SUPT3H: variants seen among roughly 807,000 people sequenced by gnomAD.
SUPT3H encodes SPT3 homolog, SAGA and STAGA complex component.
SUPT3H carries 44 observed loss-of-function variants against 44.3 expected under a neutral mutation model. The observed-to-expected ratio is 0.99, with a 90% CI of 0.78 to 1.28. The LOEUF (loss-of-function observed/expected upper bound fraction) is 1.28, where lower values mean the gene tolerates loss of function less well. Ranked by LOEUF, SUPT3H falls within the 50% of genes most tolerant of loss-of-function variation. The pLI, the probability that SUPT3H is intolerant of heterozygous loss-of-function variation, is 0.00. For synonymous variants in SUPT3H, 124 were observed against 125.6 expected, an observed-to-expected ratio of 0.99 and a Z score of 0.09; for missense variants, 380 against 387.1, an observed-to-expected ratio of 0.98 and a Z score of 0.15.
chr6:45,170,904 T>C (rs1810663650), intron 2 of SUPT3H, among the ~76,000 whole-genome samples: 1 of 152,170 alleles, frequency 6.6e-6, no homozygotes, highest in Non-Finnish European at 1.5e-5. Context: ...CCAATATTCA[T>C]GACAATAATT....
chr6:44,876,926 A>G (rs1016480565), intron 10 of SUPT3H, among the ~76,000 whole-genome samples: 2 of 152,132 alleles, frequency 1.3e-5, no homozygotes, highest in Non-Finnish European at 2.9e-5. Flanking sequence ...TTAGTTAATA[A>G]CATGCATCCT....
intron 2 of SUPT3H, among the ~76,000 whole-genome samples, chr6:45,296,076 T>C (rs899385323): frequency 6.6e-6 from 1 of 152,030 alleles, no homozygotes; most frequent in African/African-American, 2.4e-5. Flanking sequence ...TCAACCCAGA[T>C]GCCCATCAAT....
chr6:45,115,845 C>T (rs1160929942), intron 2 of SUPT3H, among the ~76,000 whole-genome samples: 1 of 152,048 alleles, frequency 6.6e-6, no homozygotes, highest in Non-Finnish European at 1.5e-5. Context: ...TTCAAAGTTC[C>T]CACAAACTTA....
intron 2 of SUPT3H, among the ~76,000 whole-genome samples, chr6:45,283,448 A>G (rs1392801856): frequency 6.6e-6 from 1 of 152,180 alleles, no homozygotes. Flanking sequence ...AGTATCTGAT[A>G]AAACAGACTT....
intron 2 of SUPT3H, among the ~76,000 whole-genome samples, chr6:45,214,883 A>G (rs1274134206): frequency 6.6e-6 from 1 of 151,976 alleles, no homozygotes; most frequent in African/African-American, 2.4e-5. Context: ...CCCCCTCACG[A>G]CCGAGAGTCG....
At chr6:45,211,850 C>T (rs1284966) in intron 2 of SUPT3H, among the ~76,000 whole-genome samples, 128,705 of 146,600 alleles carry the variant, frequency 0.88, 55,641 homozygotes, top group African/African-American at 0.9. Flanking sequence ...TCCGTCTCAA[C>T]TAAAAAAAAA....
intron 10 of SUPT3H, among the ~76,000 whole-genome samples, chr6:44,866,106 CTT>C (rs57914401): frequency 0.28 from 35,520 of 126,114 alleles, 5,530 homozygotes; most frequent in Non-Finnish European, 0.37. Context: ...CCTACATCGA[CTT>C]TTTTTTTTTT....
chr6:45,286,395 T>C (rs1779277590), intron 2 of SUPT3H, among the ~76,000 whole-genome samples: 1 of 151,860 alleles, frequency 6.6e-6, no homozygotes. Context: ...CAAACAAATT[T>C]ACAAGAAAAA....
At chr6:44,983,856 G>T (rs1034600126) in intron 6 of SUPT3H, among the ~76,000 whole-genome samples, 4 of 152,150 alleles carry the variant, frequency 2.6e-5, no homozygotes, top group Non-Finnish European at 5.9e-5. Flanking sequence ...GTGAACTTTA[G>T]TGAGGTTTTC....
At chr6:45,059,112 G>A (rs1318196373) in intron 3 of SUPT3H, among the ~76,000 whole-genome samples, 3 of 151,876 alleles carry the variant, frequency 2.0e-5, no homozygotes, top group African/African-American at 7.3e-5. Flanking sequence ...ACCAAGTTTT[G>A]GTATACAGTA....
At chr6:45,114,198 A>G (rs1435258936) in intron 2 of SUPT3H, among the ~76,000 whole-genome samples, 1 of 152,152 alleles carries the variant, frequency 6.6e-6, no homozygotes, top group Non-Finnish European at 1.5e-5. Flanking sequence ...CACTCAATCA[A>G]CAAATATTGA....
intron 10 of SUPT3H, among the ~76,000 whole-genome samples, chr6:44,869,634 C>T (rs896157793): frequency 6.6e-6 from 1 of 152,196 alleles, no homozygotes. Context: ...ACCAAGTACA[C>T]CCATGAATCA....
chr6:45,369,587 G>A (rs1181306974), intron 1 of SUPT3H, among the ~76,000 whole-genome samples: 2 of 151,786 alleles, frequency 1.3e-5, no homozygotes, highest in Admixed American at 6.6e-5. Context: ...ACAGTGTATC[G>A]TATCCTCCCT....
intron 2 of SUPT3H, among the ~76,000 whole-genome samples, chr6:45,188,789 T>A (rs561643649): frequency 6.6e-6 from 1 of 152,318 alleles, no homozygotes; most frequent in Non-Finnish European, 1.5e-5. Flanking sequence ...ACTGTACTCA[T>A]TGTGTACCTC....
intron 2 of SUPT3H, among the ~76,000 whole-genome samples, chr6:45,214,135 G>A (rs181583167): frequency 7.6e-4 from 114 of 149,888 alleles, no homozygotes; most frequent in African/African-American, 2.7e-3. Flanking sequence ...AGTATCAAAC[G>A]ATTCAGTGAC....
intron 2 of SUPT3H, among the ~76,000 whole-genome samples, chr6:45,121,180 C>G (rs1245784843): frequency 6.6e-6 from 1 of 152,118 alleles, no homozygotes; most frequent in East Asian, 1.9e-4. Context: ...TCTCCACAAC[C>G]AGGATCTCTG....
At chr6:45,096,198 CAT>C (rs766992480) in intron 3 of SUPT3H, among the ~76,000 whole-genome samples, 11 of 152,220 alleles carry the variant, frequency 7.2e-5, no homozygotes, top group Non-Finnish European at 1.5e-4. Context: ...TGCATTGAAT[CAT>C]ATAAAATCAC....
intron 10 of SUPT3H, among the ~76,000 whole-genome samples, chr6:44,880,098 G>A (rs1379178194): frequency 6.6e-6 from 1 of 152,066 alleles, no homozygotes; most frequent in African/African-American, 2.4e-5. Context: ...ACAGAAGTAG[G>A]CTTCAGAAGG....
intron 2 of SUPT3H, among the ~76,000 whole-genome samples, chr6:45,110,266 A>G (rs1799855052): frequency 6.6e-6 from 1 of 152,236 alleles, no homozygotes; most frequent in Non-Finnish European, 1.5e-5. Context: ...ACAGGTGCAC[A>G]GTGAAAGTAT....
Sources: allele counts gnomAD v4.1 joint callset (sites outside exome capture counted in the v4.1 genomes callset), GRCh38; gene constraint gnomAD v4.1.1; transcripts MANE v1.5; gene names NCBI Gene and HGNC (gene_info 2026-07-23, HGNC 2026-07-21).